The following PCDH7 variants were observed in gnomAD, a reference collection of about 807,000 sequenced individuals.
PCDH7 encodes protocadherin 7, also known as protocadherin-7.
A neutral mutation model predicts 58.9 loss-of-function variants in PCDH7; 17 were observed. That is an observed-to-expected ratio of 0.29 (90% CI 0.20 to 0.43). PCDH7 has a LOEUF of 0.43. Among genes scored for constraint, PCDH7 ranks in the 20% least tolerant of loss-of-function variants. PCDH7 has a pLI of 1.00. For missense variants in PCDH7, 1,274 were observed against 1,441.0 expected (o/e 0.88, Z 1.88); for synonymous variants, 664 against 616.4 (o/e 1.08, Z -1.14).
chr4:30,782,021 T>C (rs141351997), intron 1 of PCDH7, among the ~76,000 whole-genome samples: 178 of 152,324 alleles, frequency 1.2e-3, no homozygotes, highest in African/African-American at 4.1e-3. Context: ...TTCTTTTTCA[T>C]GTTGCAATTT....
intron 1 of PCDH7, among the ~76,000 whole-genome samples, chr4:30,771,170 T>G (rs1721350842): frequency 6.6e-6 from 1 of 152,242 alleles, no homozygotes. Flanking sequence ...CCACATTTCT[T>G]GTTTTTAATT....
exon 1 of PCDH7, chr4:30,724,374 T>C (rs1303539090): frequency 3.1e-6 from 5 of 1,614,126 alleles, no homozygotes; most frequent in African/African-American, 1.3e-5. Context: ...GGTCCGTTAA[T>C]GGTGGGCCCG....
At chr4:31,130,787 T>G (rs1363483413) in intron 3 of PCDH7, among the ~76,000 whole-genome samples, 2 of 152,168 alleles carry the variant, frequency 1.3e-5, no homozygotes, top group Non-Finnish European at 2.9e-5. Flanking sequence ...CTCACATCAC[T>G]TTATTCTTAC....
At chr4:30,865,545 G>C (rs760615435) in intron 1 of PCDH7, among the ~76,000 whole-genome samples, 1 of 152,046 alleles carries the variant, frequency 6.6e-6, no homozygotes, top group African/African-American at 2.4e-5. Context: ...ATACCACCTC[G>C]TAAGCTTGTA....
intron 3 of PCDH7, among the ~76,000 whole-genome samples, chr4:31,000,850 G>A (rs1270238253): frequency 6.6e-6 from 1 of 152,058 alleles, no homozygotes; most frequent in Non-Finnish European, 1.5e-5. Flanking sequence ...GTGACAAAAT[G>A]GAGGAGCTAT....
chr4:30,730,409 T>C (rs1715315588), intron 1 of PCDH7, among the ~76,000 whole-genome samples: 1 of 152,130 alleles, frequency 6.6e-6, no homozygotes, highest in African/African-American at 2.4e-5. Flanking sequence ...CTAAGAAGAA[T>C]TGAGCTGAAA....
intron 1 of PCDH7, among the ~76,000 whole-genome samples, chr4:30,916,184 T>C (rs969750616): frequency 6.6e-6 from 1 of 152,204 alleles, no homozygotes; most frequent in Non-Finnish European, 1.5e-5. Flanking sequence ...GCTTTCTTCA[T>C]AATGGCCTTG....
intron 3 of PCDH7, among the ~76,000 whole-genome samples, chr4:31,016,752 T>A (rs369350169): frequency 6.6e-5 from 10 of 152,228 alleles, no homozygotes; most frequent in African/African-American, 2.4e-4. Flanking sequence ...CAATACAGTG[T>A]CTCAAAGCAA....
At chr4:30,965,694 G>C (rs1748934014) in intron 3 of PCDH7, among the ~76,000 whole-genome samples, 1 of 151,934 alleles carries the variant, frequency 6.6e-6, no homozygotes, top group Non-Finnish European at 1.5e-5. Flanking sequence ...AAATAAAAAA[G>C]AGTACAAAAC....
chr4:31,088,184 A>G (rs186504499), intron 3 of PCDH7, among the ~76,000 whole-genome samples: 3 of 152,168 alleles, frequency 2.0e-5, no homozygotes, highest in Admixed American at 1.3e-4. Flanking sequence ...AGACATTCAT[A>G]ATGAGATTAT....
chr4:30,910,240 C>T (rs1457523856), intron 1 of PCDH7, among the ~76,000 whole-genome samples: 1 of 152,118 alleles, frequency 6.6e-6, no homozygotes, highest in Middle Eastern at 3.2e-3. Context: ...AAAACCTAGG[C>T]AATACCATTC....
At chr4:30,808,720 A>G (rs1418175460) in intron 1 of PCDH7, among the ~76,000 whole-genome samples, 1 of 152,210 alleles carries the variant, frequency 6.6e-6, no homozygotes, top group African/African-American at 2.4e-5. Context: ...TCTAGAGTAC[A>G]AATGTGTCGT....
At chr4:30,994,650 CA>C (rs1303548660) in intron 3 of PCDH7, among the ~76,000 whole-genome samples, 2 of 152,100 alleles carry the variant, frequency 1.3e-5, no homozygotes, top group Non-Finnish European at 2.9e-5. Flanking sequence ...GTCCTATTAA[CA>C]TTTAGGTTTC....
At position 31,015,193 on chromosome 4, in the gene PCDH7, C is replaced by T. The variant is rs568472259; in HGVS notation, c.*7+64978C>T. Reference sequence around the variant, plus strand: ...TTGTTCTTTCTCATAATGGAAACAGCGCTACTTCATGCCCTTGTCTTTTTC... The same window carrying T: ...TTGTTCTTTCTCATAATGGAAACAGTGCTACTTCATGCCCTTGTCTTTTTC... On this transcript the variant is annotated intron_variant, in intron 3 of 3. Transcript: ENST00000509759. Among the ~76,000 whole-genome samples the T allele has an allele frequency of 4.6e-5, 7 of 152,228 alleles. No homozygotes were observed. The South Asian group carries it at 6.2e-4, about 14-fold the overall frequency.
Position 30,723,333 on chromosome 4 carries a change from T to A in PCDH7, c.1911T>A (p.Pro637=). ...TGGCTGATAAAAATGACAATGACCC[T>A]AAGTTTATGCAGGACGTCTTCACCT... is the stretch of plus-strand genomic sequence containing the variant. Residue 637 remains proline, a synonymous_variant, in exon 1 of 2, where the codon CCT becomes CCA. Transcript: ENST00000361762. The surrounding 1 kb of genome is among the most constrained non-coding windows in gnomAD (Gnocchi z 4.6). 6.2e-7 allele frequency: 1 copy of A among 1,614,178 alleles called. No homozygotes were observed. Among genetic ancestry groups the A allele is most frequent in the African/African-American group, 1.3e-5 (1 of 75,040 alleles).
Position 31,056,447 on chromosome 4 carries a change from A to G in PCDH7, c.*8-86026A>G, listed in dbSNP as rs1331775724. Among the ~76,000 whole-genome samples, 330 of 38,858 alleles carry G rather than the reference A, an allele frequency of 8.5e-3. 13 individuals carry two copies. The highest frequency in any genetic ancestry group is 0.072 in the African/African-American group (316 of 4,380). The allele number at this position is 38,858 out of a possible 152,430, so 25.5% of individuals were successfully genotyped here. The stretch of plus-strand genomic sequence containing the variant: ...AGGAAAGAAAAAGAAAGAAGGAAAG[A>G]AAGAAAGAAAGAAGAAAGAAAGAAA... On this transcript the variant is annotated intron_variant, in intron 3 of 3. Transcript: ENST00000509759.
At chr4:30,909,129 A>G (rs539584887) in intron 1 of PCDH7, among the ~76,000 whole-genome samples, 12 of 152,088 alleles carry the variant, frequency 7.9e-5, no homozygotes, top group Non-Finnish European at 1.5e-4. Flanking sequence ...AAAATTCAAC[A>G]CCCCTTCATG....
chr4:30,860,907 G>C (rs968596567), intron 1 of PCDH7, among the ~76,000 whole-genome samples: 2 of 152,022 alleles, frequency 1.3e-5, no homozygotes, highest in Non-Finnish European at 2.9e-5. Context: ...ATCTGCTTTT[G>C]AATTGAATTT....
intron 3 of PCDH7, among the ~76,000 whole-genome samples, chr4:31,000,177 G>A (rs1752250027): frequency 6.6e-6 from 1 of 152,076 alleles, no homozygotes; most frequent in African/African-American, 2.4e-5. Flanking sequence ...CAATTGAGAA[G>A]GCTGAAGAGG....
Sources: gnomAD v4.1 joint callset for allele counts (sites outside exome capture counted in the v4.1 genomes callset) on GRCh38, gnomAD v4.1.1 for gene constraint, Gnocchi (gnomAD v3.1) non-coding constraint, MANE v1.5 for transcripts, NCBI Gene and HGNC (gene_info 2026-07-23, HGNC 2026-07-21) for gene names.